The following ADAM9 variants were observed in gnomAD, a reference collection of about 807,000 sequenced individuals.
ADAM9 encodes the protein ADAM metallopeptidase domain 9.
A neutral mutation model predicts 108.1 loss-of-function variants in ADAM9; 54 were observed. The observed-to-expected ratio is 0.50, with a 90% CI of 0.40 to 0.63. ADAM9 has a LOEUF of 0.63. ADAM9 is among the 20% of genes least tolerant of loss of function. The probability of loss-of-function intolerance (pLI) is 0.00; values close to 1 mark genes in which losing one functional copy is unlikely to be tolerated. For missense variants in ADAM9, 830 were observed against 997.7 expected, an observed-to-expected ratio of 0.83 and a Z score of 2.26; for synonymous variants, 316 against 336.0, an observed-to-expected ratio of 0.94 and a Z score of 0.65.
intron 14 of ADAM9, among the ~76,000 whole-genome samples, chr8:39,056,936 TAAC>T (rs933184037): frequency 6.6e-6 from 1 of 152,222 alleles, no homozygotes; most frequent in African/African-American, 2.4e-5. Flanking sequence ...ATATACCGCA[TAAC>T]AACATTTTGG....
At chr8:39,053,421 T>C (rs959666926) in intron 12 of ADAM9, among the ~76,000 whole-genome samples, 16 of 152,196 alleles carry the variant, frequency 1.1e-4, no homozygotes, top group Admixed American at 1.0e-3. Flanking sequence ...GGTTTTCTCC[T>C]AGAAGTTTTA....
At chr8:39,082,845 C>A in intron 17 of ADAM9, 123 bp from the exon 18 acceptor site, 1 of 1,342,122 alleles carries the variant, frequency 7.5e-7, no homozygotes, top group Non-Finnish European at 1.1e-6. Flanking sequence ...ATAAAATTTT[C>A]ATTCTTAAAC....
intron 15 of ADAM9, among the ~76,000 whole-genome samples, chr8:39,074,903 CTTTT>C (rs1178180888): frequency 8.8e-6 from 1 of 113,140 alleles, no homozygotes; most frequent in Non-Finnish European, 1.8e-5. Context: ...AGCCCAAAAT[CTTTT>C]TTTTTTTTTT....
At chr8:39,022,097 T>TGTGTGTGTGTGAGA (rs1356591377) in intron 8 of ADAM9, among the ~76,000 whole-genome samples, 3 of 136,278 alleles carry the variant, frequency 2.2e-5, no homozygotes, top group African/African-American at 9.2e-5. Flanking sequence ...TGTGTGTGTG[T>TGTGTGTGTGTGAGA]GAGAGAGAGA....
chr8:39,078,580 G>A (rs1349363612), intron 16 of ADAM9, among the ~76,000 whole-genome samples: 1 of 152,102 alleles, frequency 6.6e-6, no homozygotes, highest in African/African-American at 2.4e-5. Flanking sequence ...TCAGGAGTTC[G>A]AGACTAGCCT....
chr8:39,045,439 C>T (rs111205525), intron 12 of ADAM9, among the ~76,000 whole-genome samples: 18,317 of 33,286 alleles, frequency 0.55, 5,807 homozygotes, highest in East Asian at 0.71. Flanking sequence ...TATATGTGCG[C>T]GTGTGTACAC....
intron 1 of ADAM9, among the ~76,000 whole-genome samples, chr8:39,001,565 CT>C (rs1427961954): frequency 5.3e-5 from 8 of 151,934 alleles, no homozygotes; most frequent in African/African-American, 1.9e-4. Flanking sequence ...GAAGCCATTT[CT>C]TTTTAAATGT....
chr8:39,045,187 C>T (rs1287458544), intron 12 of ADAM9, among the ~76,000 whole-genome samples: 58 of 100,886 alleles, frequency 5.7e-4, no homozygotes, highest in African/African-American at 1.7e-3. Flanking sequence ...TATGTGTATA[C>T]ATACATATAT....
At chr8:39,008,510 C>G (rs905902341) in intron 2 of ADAM9, among the ~76,000 whole-genome samples, 18 of 151,904 alleles carry the variant, frequency 1.2e-4, no homozygotes, top group African/African-American at 4.1e-4. Flanking sequence ...ATGATCAACT[C>G]GAAACATAAC....
chr8:39,002,040 A>G (rs1057199544), intron 1 of ADAM9, among the ~76,000 whole-genome samples: 2 of 151,180 alleles, frequency 1.3e-5, no homozygotes, highest in Non-Finnish European at 3.0e-5. Context: ...GATTAAAAAA[A>G]AAAAAAAAAA....
chr8:39,016,940 C>G (rs1836550961), intron 5 of ADAM9: 1 of 432,644 alleles, frequency 2.3e-6, no homozygotes, highest in South Asian at 2.4e-5. Context: ...GGTCCGGATG[C>G]CACATTCTTA....
intron 14 of ADAM9, among the ~76,000 whole-genome samples, chr8:39,070,334 A>C (rs1838643348): frequency 6.6e-6 from 1 of 152,100 alleles, no homozygotes; most frequent in African/African-American, 2.4e-5. Context: ...TGTGGCCTCC[A>C]TTTATCCTTC....
In ADAM9 at chr8:39,090,098, T is replaced by C. The variant is rs769116186; in HGVS notation, c.2120T>C (p.Val707Ala). Residue 707 changes from valine to alanine, a missense_variant, in exon 19 of 22, where the codon GTT (valine) becomes GCT (alanine). Physicochemically the swap from Val to Ala is moderately conservative, Grantham distance 64. Around this residue, in one of 3 missense-constraint regions of ADAM9, gnomAD observed 238 missense variants for 235.7 expected, o/e 1.01. Coordinates refer to ENST00000487273, the MANE Select transcript of ADAM9 (RefSeq NM_003816.3). ...CTTCTGGTCTTCTTCTTCCTAATTG[T>C]TCCCCTTATTGTCTGTGCTATTTTT... Reference protein sequence around the residue: ...DGLLVFFFLIVPLIVCAIFIF... With the variant: ...DGLLVFFFLIAPLIVCAIFIF... 2.7e-5 allele frequency: 44 copies of C among 1,613,802 alleles called. No individual in the cohort carries two copies. The highest frequency in any genetic ancestry group is 1.6e-4 in the Middle Eastern group (1 of 6,078).
intron 14 of ADAM9, among the ~76,000 whole-genome samples, chr8:39,067,379 C>T (rs546163261): frequency 3.6e-4 from 55 of 152,254 alleles, no homozygotes; most frequent in South Asian, 2.7e-3. Flanking sequence ...TATTCCTATC[C>T]ATGAGCATGG....
chr8:39,013,464 C>T (rs1358086160), intron 3 of ADAM9, among the ~76,000 whole-genome samples: 1 of 148,308 alleles, frequency 6.7e-6, no homozygotes, highest in East Asian at 1.9e-4. Flanking sequence ...GTAATGTACA[C>T]TATTTCAGAG....
chr8:39,091,871 C>T (rs1839367119), intron 20 of ADAM9, among the ~76,000 whole-genome samples: 1 of 152,182 alleles, frequency 6.6e-6, no homozygotes, highest in Admixed American at 6.5e-5. Flanking sequence ...AATGCCTTGC[C>T]TAGCAACCAG....
intron 5 of ADAM9, among the ~76,000 whole-genome samples, chr8:39,016,730 T>C (rs1034455529): frequency 6.6e-6 from 1 of 152,232 alleles, no homozygotes; most frequent in East Asian, 1.9e-4. Flanking sequence ...AAGATGAATA[T>C]GATTATATTC....
At chr8:39,040,999 A>T (rs193296665) in intron 11 of ADAM9, among the ~76,000 whole-genome samples, 60 of 152,348 alleles carry the variant, frequency 3.9e-4, no homozygotes, top group African/African-American at 1.4e-3. Context: ...AAAACTTTCT[A>T]AGAAGAAAAC....
intron 20 of ADAM9, among the ~76,000 whole-genome samples, chr8:39,094,737 T>C (rs773769826): frequency 2.0e-5 from 3 of 152,130 alleles, no homozygotes; most frequent in East Asian, 1.9e-4. Flanking sequence ...TATAAAACTT[T>C]CTATTTCTGT....
Sources: gnomAD v4.1 joint callset for allele counts (sites outside exome capture counted in the v4.1 genomes callset) on GRCh38, gnomAD v4.1.1 for gene constraint, gnomAD v4.1.1 regional missense constraint, MANE v1.5 for transcripts, NCBI Gene and HGNC (gene_info 2026-07-23, HGNC 2026-07-21) for gene names.